Variants in KANK1 observed in about 807,000 individuals in gnomAD.
KANK1 encodes KN motif and ankyrin repeat domain-containing protein 1.
In KANK1, 109 loss-of-function variants were observed where a neutral mutation model predicts 106.2. The observed-to-expected ratio is 1.03, with a 90% confidence interval of 0.88 to 1.20. The LOEUF (loss-of-function observed/expected upper bound fraction) is 1.20, where lower values mean the gene tolerates loss of function less well. KANK1 is among the 50% of genes most tolerant of loss of function. KANK1 has a pLI of 0.00. For missense variants in KANK1, 2,399 were observed against 1,710.7 expected, an observed-to-expected ratio of 1.40 and a Z score of -7.10; for synonymous variants, 873 against 652.2, an observed-to-expected ratio of 1.34 and a Z score of -5.16.
intron 1 of KANK1, among the ~76,000 whole-genome samples, chr9:598,650 T>C (rs1210648610): frequency 9.7e-6 from 1 of 103,162 alleles, no homozygotes; most frequent in South Asian, 3.4e-4. Context: ...TTTTTTTTTT[T>C]GAGACAGTCT....
chr9:660,764 A>C (rs1486740234), intron 1 of KANK1, among the ~76,000 whole-genome samples: 2 of 152,174 alleles, frequency 1.3e-5, no homozygotes, highest in African/African-American at 4.8e-5. Context: ...TACCACTGGA[A>C]GGGAGCCTTT....
chr9:532,436 T>C (rs2133571577), intron 1 of KANK1, among the ~76,000 whole-genome samples: 1 of 150,204 alleles, frequency 6.7e-6, no homozygotes, highest in South Asian at 2.1e-4. Context: ...GTTAAGTATG[T>C]TTACATTGTT....
chr9:558,193 C>G (rs987383744), intron 1 of KANK1, among the ~76,000 whole-genome samples: 4 of 152,110 alleles, frequency 2.6e-5, no homozygotes, highest in African/African-American at 7.2e-5. Context: ...AAGTCTAGAC[C>G]TATGACTTGG....
At chr9:675,600 C>T (rs4742223) in intron 1 of KANK1, among the ~76,000 whole-genome samples, 60,954 of 151,706 alleles carry the variant, frequency 0.4, 13,332 homozygotes, top group East Asian at 0.63. Context: ...AATATCAATG[C>T]AAAATGAATA....
At chr9:524,133 A>G (rs1193804198) in intron 1 of KANK1, among the ~76,000 whole-genome samples, 2 of 151,796 alleles carry the variant, frequency 1.3e-5, no homozygotes, top group African/African-American at 2.4e-5. Flanking sequence ...AGGGACTCCC[A>G]ACTTACCTGA....
chr9:681,472 A>C (rs1036095157), intron 2 of KANK1, among the ~76,000 whole-genome samples: 1 of 152,154 alleles, frequency 6.6e-6, no homozygotes, highest in Non-Finnish European at 1.5e-5. Context: ...CTAAACACTA[A>C]TGTTGTGAAA....
intron 1 of KANK1, among the ~76,000 whole-genome samples, chr9:668,347 A>T (rs1020094261): frequency 4.5e-5 from 2 of 44,064 alleles, no homozygotes; most frequent in African/African-American, 2.0e-4. Context: ...ATTGTATTAT[A>T]ATCTCTCTCT....
intron 6 of KANK1, 77 bp from the exon 7 acceptor site, chr9:734,671 A>G: frequency 8.8e-7 from 1 of 1,139,506 alleles, no homozygotes; most frequent in Non-Finnish European, 1.3e-6. Context: ...GTCTCAAAAA[A>G]AAAATTAGAT....
intron 2 of KANK1, among the ~76,000 whole-genome samples, chr9:677,918 G>A (rs111802516): frequency 3.9e-4 from 59 of 152,258 alleles, no homozygotes; most frequent in African/African-American, 9.2e-4. Flanking sequence ...GTAAACCATC[G>A]GTAAGTATAT....
intron 6 of KANK1, 33 bp downstream of exon 6, chr9:732,650 T>G: frequency 6.2e-7 from 1 of 1,602,090 alleles, no homozygotes; most frequent in Non-Finnish European, 8.5e-7. Context: ...CCCTTGCCCC[T>G]CCCACATTTA....
At chr9:505,701 C>T (rs1339488324) in intron 1 of KANK1, among the ~76,000 whole-genome samples, 2 of 152,248 alleles carry the variant, frequency 1.3e-5, no homozygotes, top group African/African-American at 4.8e-5. Flanking sequence ...CCAGCGCTCG[C>T]TTTCCGCACG....
intron 1 of KANK1, among the ~76,000 whole-genome samples, chr9:654,840 AGAG>A (rs1390383687): frequency 7.4e-6 from 1 of 135,700 alleles, no homozygotes; most frequent in Non-Finnish European, 1.7e-5. Context: ...AGAGAGAGAG[AGAG>A]AGAGATAAAG....
At chr9:582,160 C>G (rs1399821609) in intron 1 of KANK1, among the ~76,000 whole-genome samples, 1 of 152,142 alleles carries the variant, frequency 6.6e-6, no homozygotes, top group Non-Finnish European at 1.5e-5. Flanking sequence ...CTCCTGTGGC[C>G]AGTTCCCCAC....
chr9:537,858 G>C (rs2060385230), intron 1 of KANK1, among the ~76,000 whole-genome samples: 1 of 152,194 alleles, frequency 6.6e-6, no homozygotes, highest in Admixed American at 6.5e-5. Context: ...ACTCTTGATT[G>C]AGAAAGGAGT....
At chr9:561,779 G>C (rs1816502200) in intron 1 of KANK1, among the ~76,000 whole-genome samples, 1 of 152,192 alleles carries the variant, frequency 6.6e-6, no homozygotes, top group Non-Finnish European at 1.5e-5. Context: ...GTTTCATCTA[G>C]AACTTTCACA....
intron 1 of KANK1, among the ~76,000 whole-genome samples, chr9:651,107 CG>C (rs1840788765): frequency 6.6e-6 from 1 of 152,086 alleles, no homozygotes; most frequent in African/African-American, 2.4e-5. Flanking sequence ...AATTTGGAAT[CG>C]GGACAGTTTT....
At chr9:680,353 T>C (rs989006561) in intron 2 of KANK1, among the ~76,000 whole-genome samples, 2 of 151,614 alleles carry the variant, frequency 1.3e-5, no homozygotes, top group African/African-American at 4.8e-5. Context: ...TAAGGGGTGA[T>C]TCACAACCTT....
chr9:732,397 G>A lies in KANK1; in HGVS notation c.3025G>A (p.Asp1009Asn). Residue 1009 changes from aspartate (D) to asparagine (N), a missense_variant, in exon 6 of 12, where the codon GAT becomes AAT. Transcript: ENST00000382297. The stretch of plus-strand genomic sequence containing the variant: ...ACCTAGGTATGAAACAACTTCAAGT[G>A]ATGATTCCAGCTCAGATGAAAGCTC... ...INGGYETTSS[D>N]DSSSDESSSS... is the part of the protein sequence containing the mutation. The A allele has an allele frequency of 6.2e-7, 1 of 1,612,228 alleles. No individual in the cohort carries two copies. Among genetic ancestry groups the A allele is most frequent in the South Asian group, 1.1e-5 (1 of 91,028 alleles).
chr9:590,400 G>A (rs1031341755), intron 1 of KANK1, among the ~76,000 whole-genome samples: 1 of 152,062 alleles, frequency 6.6e-6, no homozygotes, highest in Non-Finnish European at 1.5e-5. Context: ...TCCAGTCTAC[G>A]CTGCCTCCTC....
Sources: allele counts gnomAD v4.1 joint callset (sites outside exome capture counted in the v4.1 genomes callset), GRCh38; gene constraint gnomAD v4.1.1; transcripts MANE v1.5; gene names NCBI Gene and HGNC (gene_info 2026-07-23, HGNC 2026-07-21).